NECAB1: variants seen among roughly 807,000 people sequenced by gnomAD.
The protein encoded by NECAB1 is N-terminal EF-hand calcium binding protein 1.
NECAB1 carries 29 observed loss-of-function variants against 57.5 expected under a neutral mutation model. The observed-to-expected ratio is 0.50, with a 90% CI of 0.38 to 0.69. The LOEUF (loss-of-function observed/expected upper bound fraction) is 0.69, where lower values mean the gene tolerates loss of function less well. Ranked by LOEUF, NECAB1 falls within the 30% of genes least tolerant of loss-of-function variation. NECAB1 has a pLI of 0.00. For synonymous variants in NECAB1, 142 were observed against 147.7 expected (o/e 0.96, Z 0.28); for missense variants, 372 against 413.8 (o/e 0.90, Z 0.88).
intron 5 of NECAB1, among the ~76,000 whole-genome samples, chr8:90,897,844 A>C (rs1381421343): frequency 6.6e-6 from 1 of 152,216 alleles, no homozygotes; most frequent in African/African-American, 2.4e-5. Context: ...GAATGCCTTC[A>C]TTTGTAGGCT....
intron 5 of NECAB1, among the ~76,000 whole-genome samples, chr8:90,906,259 A>G (rs1289835592): frequency 3.9e-5 from 6 of 152,186 alleles, no homozygotes; most frequent in African/African-American, 1.4e-4. Flanking sequence ...TAGGAGTTCG[A>G]ACCTCAGACT....
At chr8:90,930,548 T>C (rs1328714710) in intron 8 of NECAB1, among the ~76,000 whole-genome samples, 2 of 152,138 alleles carry the variant, frequency 1.3e-5, no homozygotes, top group Non-Finnish European at 2.9e-5. Flanking sequence ...TCCACAAAGA[T>C]GAACCCTCAT....
chr8:90,918,280 G>A (rs1209849329), intron 6 of NECAB1, among the ~76,000 whole-genome samples: 1 of 151,742 alleles, frequency 6.6e-6, no homozygotes, highest in Non-Finnish European at 1.5e-5. Flanking sequence ...CCAAAGTGCT[G>A]GGATTACAGG....
chr8:90,814,473 G>A (rs550630124), intron 2 of NECAB1, among the ~76,000 whole-genome samples: 1 of 152,242 alleles, frequency 6.6e-6, no homozygotes, highest in Non-Finnish European at 1.5e-5. Flanking sequence ...TTTGATGGTT[G>A]AGTATTTCCA....
intron 3 of NECAB1, among the ~76,000 whole-genome samples, chr8:90,827,168 T>TATA (rs1383321960): frequency 2.0e-5 from 3 of 152,028 alleles, no homozygotes; most frequent in African/African-American, 7.2e-5. Context: ...ACAAATGCAC[T>TATA]ATATATGCCA....
intron 1 of NECAB1, 41 bp downstream of exon 1, chr8:90,792,026 A>T (rs878913967): frequency 6.7e-7 from 1 of 1,487,988 alleles, no homozygotes; most frequent in South Asian, 1.2e-5. Flanking sequence ...GCTTCCCAGC[A>T]CCTTTCTTTT....
At chr8:90,892,599 A>G (rs1042477775) in intron 5 of NECAB1, among the ~76,000 whole-genome samples, 2 of 152,184 alleles carry the variant, frequency 1.3e-5, no homozygotes, top group Non-Finnish European at 2.9e-5. Flanking sequence ...CTCTACGATC[A>G]AGTCAGTCAC....
chr8:90,899,684 T>C lies in NECAB1; in HGVS notation c.358-17808T>C, dbSNP rs889643090. 2.0e-5 allele frequency among the ~76,000 whole-genome samples: 3 copies of C among 152,194 alleles called. No individual in the cohort carries two copies. The South Asian group carries it at 6.2e-4, about 31-fold the overall frequency. On this transcript the variant is annotated intron_variant, in intron 5 of 12. Transcript: ENST00000417640. ...GTTGATGCTCAAATCTTGTCCCTCA[T>C]GTGTGTGATATTGTACAGTACATTT...
At chr8:90,883,687 G>T (rs1377295659) in intron 5 of NECAB1, among the ~76,000 whole-genome samples, 1 of 151,970 alleles carries the variant, frequency 6.6e-6, no homozygotes, top group Non-Finnish European at 1.5e-5. Context: ...TATCCTCAAG[G>T]GCTACATGGA....
chr8:90,938,360 G>C (rs1053524196), intron 9 of NECAB1, among the ~76,000 whole-genome samples: 5 of 152,170 alleles, frequency 3.3e-5, no homozygotes, highest in Non-Finnish European at 7.3e-5. Flanking sequence ...ATTCAACCAT[G>C]ACAGAGTGCT....
At chr8:90,941,064 A>G (rs1051273852) in intron 10 of NECAB1, among the ~76,000 whole-genome samples, 166 bp downstream of exon 10, 1 of 152,160 alleles carries the variant, frequency 6.6e-6, no homozygotes, top group Non-Finnish European at 1.5e-5. Flanking sequence ...GCTGCCTTTA[A>G]CTGAATGTTT....
intron 10 of NECAB1, among the ~76,000 whole-genome samples, chr8:90,948,613 A>G (rs1434749846): frequency 1.3e-5 from 2 of 152,174 alleles, no homozygotes; most frequent in Admixed American, 1.3e-4. Context: ...TTGCTTTCTA[A>G]TATGAATATA....
chr8:90,917,405 T>G, intron 5 of NECAB1, 87 bp from the exon 6 acceptor site: 1 of 1,183,948 alleles, frequency 8.4e-7, no homozygotes, highest in Non-Finnish European at 1.1e-6. Flanking sequence ...AATCTGGGAT[T>G]GATGGGTACA....
intron 10 of NECAB1, among the ~76,000 whole-genome samples, chr8:90,947,299 CACA>C (rs1414974930): frequency 0.079 from 10,188 of 129,762 alleles, 1,139 homozygotes; most frequent in African/African-American, 0.22. Flanking sequence ...GGGCTAACAA[CACA>C]TACACACACA....
chr8:90,875,076 C>T (rs1359588386), intron 4 of NECAB1, among the ~76,000 whole-genome samples: 9 of 152,088 alleles, frequency 5.9e-5, no homozygotes, highest in Non-Finnish European at 1.3e-4. Context: ...TAATCTAAAG[C>T]TTCAGGAGTA....
intron 3 of NECAB1, among the ~76,000 whole-genome samples, chr8:90,828,432 C>T (rs1232514118): frequency 6.6e-6 from 1 of 152,006 alleles, no homozygotes; most frequent in Non-Finnish European, 1.5e-5. Context: ...CAAGCCTGCC[C>T]AGGCACAAGC....
At chr8:90,951,277 T>C in intron 12 of NECAB1, 73 bp downstream of exon 12, 3 of 808,622 alleles carry the variant, frequency 3.7e-6, no homozygotes, top group East Asian at 2.8e-5. Context: ...AAAGATAGTA[T>C]GCTCTTTCCT....
chr8:90,849,649 TA>T (rs1322990903), intron 3 of NECAB1, among the ~76,000 whole-genome samples: 1 of 148,104 alleles, frequency 6.8e-6, no homozygotes, highest in Non-Finnish European at 1.5e-5. Context: ...GCAGAAGACC[TA>T]AAAAACTAGT....
chr8:90,865,755 C>A (rs951525935), intron 3 of NECAB1, among the ~76,000 whole-genome samples: 2 of 152,144 alleles, frequency 1.3e-5, no homozygotes, highest in Admixed American at 1.3e-4. Flanking sequence ...GATATGGGCT[C>A]AGTACTCTGG....
Sources: allele counts gnomAD v4.1 joint callset (sites outside exome capture counted in the v4.1 genomes callset), GRCh38; gene constraint gnomAD v4.1.1; transcripts MANE v1.5; gene names NCBI Gene and HGNC (gene_info 2026-07-23, HGNC 2026-07-21).